Variants in SYT2 observed in about 807,000 individuals in gnomAD.
SYT2 encodes the protein synaptotagmin 2.
In SYT2, 15 loss-of-function variants were observed where a neutral mutation model predicts 39.9. That is an observed-to-expected ratio of 0.38 (90% confidence interval 0.25 to 0.58). The LOEUF (loss-of-function observed/expected upper bound fraction) is 0.58. Ranked by LOEUF, SYT2 falls within the 20% of genes least tolerant of loss-of-function variation. The pLI is 0.70. For synonymous variants in SYT2, 181 were observed against 204.5 expected (o/e 0.89, Z 0.98); for missense variants, 389 against 530.3 (o/e 0.73, Z 2.62).
chr1:202,597,826 A>T (rs146489686), intron 8 of SYT2, among the ~76,000 whole-genome samples: 3 of 152,110 alleles, frequency 2.0e-5, no homozygotes, highest in African/African-American at 4.8e-5. Context: ...GACAGTGGGG[A>T]TGGGAAGTCA....
intron 1 of SYT2, among the ~76,000 whole-genome samples, chr1:202,684,433 C>T (rs1169637639): frequency 2.0e-5 from 3 of 151,908 alleles, no homozygotes; most frequent in Non-Finnish European, 2.9e-5. Context: ...ATAATGTCCT[C>T]CAGGTTCATC....
At chr1:202,653,166 T>G (rs1223243706) in intron 1 of SYT2, among the ~76,000 whole-genome samples, 4 of 151,884 alleles carry the variant, frequency 2.6e-5, no homozygotes, top group Non-Finnish European at 4.4e-5. Flanking sequence ...AAAAGGCCCT[T>G]CTCCAAACGG....
At chr1:202,616,729 A>G (rs1391081177) in intron 1 of SYT2, among the ~76,000 whole-genome samples, 1 of 152,174 alleles carries the variant, frequency 6.6e-6, no homozygotes, top group Non-Finnish European at 1.5e-5. Context: ...TGCTTTTGTC[A>G]TAACTGTGAC....
Position 202,640,194 on chromosome 1 carries a change from G to A in SYT2, c.-17-34405C>T, listed in dbSNP as rs1227929976. ...AGCTGACTTATAGGACTGGAATCAC[G>A]GGGCAGTGAACACCCAAAGCTTGAA... On this transcript the variant is annotated intron_variant, in intron 1 of 8. Coordinates refer to ENST00000367268, the MANE Select transcript of SYT2 (RefSeq NM_177402.5). Among the ~76,000 whole-genome samples the A allele has an allele frequency of 2.0e-5, 3 of 152,270 alleles. No individual in the cohort carries two copies. The East Asian group carries it at 5.8e-4, about 29-fold the overall frequency.
chr1:202,686,034 A>C (rs1653657112), intron 1 of SYT2, among the ~76,000 whole-genome samples: 1 of 152,178 alleles, frequency 6.6e-6, no homozygotes, highest in Non-Finnish European at 1.5e-5. Flanking sequence ...CCGGGAGGAC[A>C]TGACCCTGGG....
intron 1 of SYT2, among the ~76,000 whole-genome samples, chr1:202,622,389 C>T (rs1403733014): frequency 2.0e-5 from 3 of 152,198 alleles, no homozygotes; most frequent in Admixed American, 6.5e-5. Flanking sequence ...CACTTTGGAG[C>T]GAGGTTGTCA....
At chr1:202,602,870 C>T in intron 4 of SYT2, 129 bp downstream of exon 4, 1 of 1,214,968 alleles carries the variant, frequency 8.2e-7, no homozygotes, top group Non-Finnish European at 1.2e-6. Flanking sequence ...CTGCAGTTTC[C>T]AGCCTGCCTC....
At chr1:202,626,226 C>T (rs1159479395) in intron 1 of SYT2, among the ~76,000 whole-genome samples, 1 of 151,996 alleles carries the variant, frequency 6.6e-6, no homozygotes, top group African/African-American at 2.4e-5. Context: ...GAAGAGACCA[C>T]AGGGTCACCA....
chr1:202,632,753 T>A lies in SYT2; in HGVS notation c.-17-26964A>T, dbSNP rs1184271380. 3.1e-5 allele frequency: 5 copies of A among 163,836 alleles called. No homozygotes were observed. The Admixed American group carries it at 3.3e-4, about 11-fold the overall frequency. 10.1% of individuals were successfully genotyped at this position (163,836 alleles called of 1,614,324 possible). ...ACCCCCTTAAAAGCCCTTTATGCCATCTTTCCTTTCAGTCAAATGATGCAG... is the reference window on the plus strand; with the variant it reads ...ACCCCCTTAAAAGCCCTTTATGCCAACTTTCCTTTCAGTCAAATGATGCAG... On this transcript the variant is annotated intron_variant, in intron 1 of 8. Transcript: ENST00000367268.
At chr1:202,659,332 A>G (rs2149105102) in intron 1 of SYT2, among the ~76,000 whole-genome samples, 1 of 152,296 alleles carries the variant, frequency 6.6e-6, no homozygotes, top group Middle Eastern at 3.4e-3. Flanking sequence ...AGCTGTGAAA[A>G]TAAATCCAGA....
intron 1 of SYT2, among the ~76,000 whole-genome samples, chr1:202,680,207 T>C (rs749472385): frequency 1.3e-5 from 2 of 152,164 alleles, no homozygotes; most frequent in Admixed American, 6.5e-5. Context: ...CTTCCTAAAA[T>C]CAAACCTGAA....
rs1181005007 is a variant in SYT2, at chr1:202,696,512, G to T, written c.-18+13746C>A. Among the ~76,000 whole-genome samples the T allele has an allele frequency of 3.3e-5, 5 of 152,342 alleles. No individual in the cohort carries two copies. The East Asian group carries it at 9.6e-4, about 29-fold the overall frequency. Reference sequence around the variant, plus strand: ...ATTGTAATTAAATAAACAATCGCATGATTATTTTAATGTCTTGCTTCCCTC... The same window carrying T: ...ATTGTAATTAAATAAACAATCGCATTATTATTTTAATGTCTTGCTTCCCTC... On this transcript the variant is annotated intron_variant, in intron 1 of 8. Transcript: ENST00000367268.
At chr1:202,665,141 A>C (rs1440230514) in intron 1 of SYT2, among the ~76,000 whole-genome samples, 1 of 152,184 alleles carries the variant, frequency 6.6e-6, no homozygotes, top group African/African-American at 2.4e-5. Context: ...TGTTCTAAGA[A>C]ACTCTGCTGC....
At position 202,703,833 on chromosome 1, in the gene SYT2, A is replaced by G. The variant is rs180761459; in HGVS notation, c.-18+6425T>C. ...CTATTTTCCCATATGCCTAGTGCCA[A>G]GCTCACAGTTACAACCACTTACACC... is the stretch of plus-strand genomic sequence containing the variant. On this transcript the variant is annotated intron_variant, in intron 1 of 8. Transcript: ENST00000367268. Among the ~76,000 whole-genome samples the G allele has an allele frequency of 1.4e-4, 21 of 152,292 alleles. No homozygotes were observed. In the East Asian group the frequency reaches 3.3e-3, roughly 24 times the overall value.
At chr1:202,702,668 C>T (rs1654149443) in intron 1 of SYT2, among the ~76,000 whole-genome samples, 1 of 152,210 alleles carries the variant, frequency 6.6e-6, no homozygotes, top group Admixed American at 6.5e-5. Context: ...GTCCCCTCTC[C>T]TCCTGCTTGC....
At chr1:202,643,208 G>A (rs1312068827) in intron 1 of SYT2, 5 of 152,256 alleles carry the variant, frequency 3.3e-5, no homozygotes. Flanking sequence ...GCCACTGTCG[G>A]TCGAGGCACG....
chr1:202,604,308 A>T, intron 3 of SYT2, 147 bp downstream of exon 3: 1 of 757,070 alleles, frequency 1.3e-6, no homozygotes, highest in Non-Finnish European at 2.2e-6. Context: ...AGACGGTGTT[A>T]TACTAGAGAT....
intron 1 of SYT2, among the ~76,000 whole-genome samples, chr1:202,634,214 A>G (rs1034108432): frequency 2.6e-5 from 4 of 152,234 alleles, no homozygotes; most frequent in African/African-American, 9.6e-5. Context: ...ATATAAATAT[A>G]CCATTTAAAA....
At chr1:202,644,330 C>G (rs1692027924) in intron 1 of SYT2, among the ~76,000 whole-genome samples, 1 of 152,186 alleles carries the variant, frequency 6.6e-6, no homozygotes, top group South Asian at 2.1e-4. Flanking sequence ...CCCACCTCCA[C>G]AACTCTGCTT....
Sources: allele counts gnomAD v4.1 joint callset (sites outside exome capture counted in the v4.1 genomes callset), GRCh38; gene constraint gnomAD v4.1.1; transcripts MANE v1.5; gene names NCBI Gene and HGNC (gene_info 2026-07-23, HGNC 2026-07-21).